The following PDZD2 variants were observed in gnomAD, a reference collection of about 807,000 sequenced individuals.
PDZD2 encodes PDZ domain containing 2, also known as PDZ domain-containing protein 2.
PDZD2 carries 90 observed loss-of-function variants against 220.7 expected under a neutral mutation model. The observed-to-expected ratio is 0.41, with a 90% confidence interval of 0.34 to 0.49. The LOEUF is 0.49. Among genes scored for constraint, PDZD2 ranks in the 20% least tolerant of loss-of-function variants. PDZD2 has a pLI of 0.28. For missense variants in PDZD2, 3,174 were observed against 3,608.5 expected (o/e 0.88, Z 3.08); for synonymous variants, 1,375 against 1,450.5 (o/e 0.95, Z 1.18).
At chr5:31,644,269 T>C (rs116633315) in intron 1 of PDZD2, among the ~76,000 whole-genome samples, 1,556 of 152,302 alleles carry the variant, frequency 0.01, 29 homozygotes, top group African/African-American at 0.036. Flanking sequence ...ATCTAGAAAT[T>C]TGACAATCTT....
At chr5:31,997,818 G>A (rs72759658) in intron 4 of PDZD2, among the ~76,000 whole-genome samples, 17,767 of 152,156 alleles carry the variant, frequency 0.12, 1,169 homozygotes, top group South Asian at 0.18. Flanking sequence ...AATGAAAGAG[G>A]GAAATAGGAA....
intron 21 of PDZD2, among the ~76,000 whole-genome samples, chr5:32,094,111 C>T (rs184002): frequency 0.082 from 12,464 of 152,148 alleles, 1,750 homozygotes; most frequent in African/African-American, 0.29. Flanking sequence ...GGTCTTGCTG[C>T]CTCAAGGATA....
Position 31,852,665 on chromosome 5 carries a change from C to T in PDZD2, c.476+52941C>T, listed in dbSNP as rs529448713. On this transcript the variant is annotated intron_variant, in intron 2 of 24. Coordinates refer to ENST00000438447, the MANE Select transcript of PDZD2 (RefSeq NM_178140.4). The stretch of plus-strand genomic sequence containing the variant: ...AGGCTGGAGTGCAGTGATGGGATCT[C>T]GGCTCACTGCAACCTCTGCCTTCCG... 2.6e-5 allele frequency among the ~76,000 whole-genome samples: 4 copies of T among 152,168 alleles called. No individual in the cohort carries two copies. In the South Asian group the frequency reaches 6.2e-4, roughly 24 times the overall value.
At chr5:31,866,405 C>G (rs1382778820) in intron 2 of PDZD2, among the ~76,000 whole-genome samples, 1 of 152,122 alleles carries the variant, frequency 6.6e-6, no homozygotes, top group Non-Finnish European at 1.5e-5. Context: ...TGCAGCTGAG[C>G]TCAGACTCTT....
At chr5:32,036,629 C>T (rs1309062932) in intron 6 of PDZD2, among the ~76,000 whole-genome samples, 1 of 152,170 alleles carries the variant, frequency 6.6e-6, no homozygotes, top group African/African-American at 2.4e-5. Context: ...TCGACGCCTC[C>T]AGGGTGCCTG....
At chr5:31,984,569 C>T (rs564239138) in intron 3 of PDZD2, among the ~76,000 whole-genome samples, 14 of 152,210 alleles carry the variant, frequency 9.2e-5, no homozygotes, top group African/African-American at 1.7e-4. Context: ...AGGCCAGGCG[C>T]GGCAGCTTGT....
chr5:31,888,175 TTCTTC>T (rs1472750561), intron 2 of PDZD2, among the ~76,000 whole-genome samples: 1 of 152,188 alleles, frequency 6.6e-6, no homozygotes, highest in South Asian at 2.1e-4. Flanking sequence ...CTTTCCTCTT[TTCTTC>T]TCTTCTCTTT....
At chr5:31,808,370 A>G (rs558038074) in intron 2 of PDZD2, among the ~76,000 whole-genome samples, 8 of 152,352 alleles carry the variant, frequency 5.3e-5, no homozygotes, top group Non-Finnish European at 1.0e-4. Flanking sequence ...AAATTCAATT[A>G]TGTGGAAAAC....
At chr5:31,693,563 C>CT (rs1279378923) in intron 1 of PDZD2, among the ~76,000 whole-genome samples, 1 of 151,512 alleles carries the variant, frequency 6.6e-6, no homozygotes, top group African/African-American at 2.4e-5. Flanking sequence ...TTTTTTCTGT[C>CT]TCCTTCAGTG....
chr5:31,948,674 G>A (rs544726350), intron 2 of PDZD2, among the ~76,000 whole-genome samples: 42 of 152,306 alleles, frequency 2.8e-4, no homozygotes, highest in African/African-American at 8.7e-4. Context: ...AAAGGAGTAT[G>A]TGATTTAATG....
chr5:31,755,555 G>C (rs763638645), intron 1 of PDZD2, among the ~76,000 whole-genome samples: 2 of 151,602 alleles, frequency 1.3e-5, no homozygotes, highest in Non-Finnish European at 2.9e-5. Flanking sequence ...CCAACTCCAC[G>C]CATCAGTAAA....
At chr5:31,838,716 T>A (rs775100454) in intron 2 of PDZD2, among the ~76,000 whole-genome samples, 241 of 152,326 alleles carry the variant, frequency 1.6e-3, no homozygotes, top group South Asian at 4.1e-3. Context: ...GATATCCATA[T>A]AAATGTAACT....
At chr5:31,824,982 C>T (rs552902634) in intron 2 of PDZD2, among the ~76,000 whole-genome samples, 3 of 152,246 alleles carry the variant, frequency 2.0e-5, no homozygotes, top group Admixed American at 6.5e-5. Flanking sequence ...TTGACATGCT[C>T]GCCCTTCCTG....
At chr5:31,971,337 A>G (rs1749280256) in intron 2 of PDZD2, among the ~76,000 whole-genome samples, 1 of 152,204 alleles carries the variant, frequency 6.6e-6, no homozygotes, top group South Asian at 2.1e-4. Flanking sequence ...AGAATGGAAG[A>G]GCAGAAAAGG....
At chr5:31,640,303 A>G (rs1482843337) in intron 1 of PDZD2, among the ~76,000 whole-genome samples, 2 of 152,206 alleles carry the variant, frequency 1.3e-5, no homozygotes, top group Admixed American at 1.3e-4. Flanking sequence ...AAGGTCTGGC[A>G]TGGGCTGGTC....
intron 1 of PDZD2, among the ~76,000 whole-genome samples, chr5:31,794,514 C>CCT (rs1444243483): frequency 6.6e-6 from 1 of 151,154 alleles, no homozygotes; most frequent in African/African-American, 2.4e-5. Flanking sequence ...CATTCTCCTG[C>CCT]CTCAGCCTCC....
At chr5:31,891,860 A>T (rs1349679019) in intron 2 of PDZD2, among the ~76,000 whole-genome samples, 2 of 152,102 alleles carry the variant, frequency 1.3e-5, no homozygotes, top group Non-Finnish European at 2.9e-5. Flanking sequence ...GGTTAATGAG[A>T]TAGTTAGGAA....
At chr5:31,971,275 T>G (rs1301484805) in intron 2 of PDZD2, among the ~76,000 whole-genome samples, 1 of 152,206 alleles carries the variant, frequency 6.6e-6, no homozygotes, top group Non-Finnish European at 1.5e-5. Context: ...AGATAGCACC[T>G]TGTTGCTCCA....
intron 1 of PDZD2, among the ~76,000 whole-genome samples, chr5:31,764,614 A>C (rs896248483): frequency 2.6e-5 from 4 of 152,316 alleles, no homozygotes; most frequent in Non-Finnish European, 5.9e-5. Context: ...TCCTCCCTGA[A>C]AAAAAGTTTT....
Sources: gnomAD v4.1 joint callset for allele counts (sites outside exome capture counted in the v4.1 genomes callset) on GRCh38, gnomAD v4.1.1 for gene constraint, MANE v1.5 for transcripts, NCBI Gene and HGNC (gene_info 2026-07-23, HGNC 2026-07-21) for gene names.